Variants in EXT2 observed in about 807,000 individuals in gnomAD.
EXT2 encodes the protein exostosin glycosyltransferase 2, also known as exostosin-2.
EXT2 carries 53 observed loss-of-function variants against 81.6 expected under a neutral mutation model. The observed-to-expected ratio is 0.65, with a 90% CI of 0.52 to 0.82. The LOEUF is 0.82. Among genes scored for constraint, EXT2 ranks in the 40% least tolerant of loss-of-function variants. The pLI is 0.00. For synonymous variants in EXT2, 320 were observed against 340.0 expected (o/e 0.94, Z 0.65); for missense variants, 774 against 910.2 (o/e 0.85, Z 1.93).
At chr11:44,123,771 C>G (rs1434954257) in intron 4 of EXT2, among the ~76,000 whole-genome samples, 1 of 152,070 alleles carries the variant, frequency 6.6e-6, no homozygotes, top group African/African-American at 2.4e-5. Context: ...TGTTCTGTAC[C>G]CTCTCTGTCT....
intron 7 of EXT2, among the ~76,000 whole-genome samples, chr11:44,163,855 G>A (rs544515011): frequency 9.2e-5 from 14 of 152,128 alleles, no homozygotes; most frequent in Non-Finnish European, 1.9e-4. Context: ...CTTGGGTTTT[G>A]GGGTCTGTGT....
chr11:44,240,649 G>A (rs568389723), intron 13 of EXT2, among the ~76,000 whole-genome samples: 94 of 152,312 alleles, frequency 6.2e-4, no homozygotes, highest in African/African-American at 2.0e-3. Flanking sequence ...AGTAGAGTTA[G>A]TGAATGTAAA....
Position 44,232,335 on chromosome 11 carries a change from T to C in EXT2, c.1663-18T>C. The stretch of plus-strand genomic sequence containing the variant: ...TGTCTGAATTGGGACTTGATTGTTA[T>C]TATGTGTCTGTCCTTAGGTCTGGCG... On this transcript the variant is annotated intron_variant, in intron 10 of 13. Transcript: ENST00000533608. 6.2e-7 allele frequency: 1 copy of C among 1,613,536 alleles called. No individual in the cohort carries two copies. The highest frequency in any genetic ancestry group is 1.1e-5 in the South Asian group (1 of 91,056).
At position 44,140,270 on chromosome 11, in the gene EXT2, C is replaced by G. The variant is rs572200475; in HGVS notation, c.1173+10132C>G. ...GCCAGCTCCAGCCTGCTGTCTCTGC[C>G]TCCGCAGCATCACTGTTATCGAATT... On this transcript the variant is annotated intron_variant, in intron 7 of 13. Coordinates refer to ENST00000533608, the MANE Select transcript of EXT2 (RefSeq NM_207122.2). 6.4e-4 allele frequency among the ~76,000 whole-genome samples: 98 copies of G among 152,320 alleles called. 1 individual carries two copies. The highest frequency in any genetic ancestry group is 1.9e-3 in the African/African-American group (78 of 41,560).
At chr11:44,177,111 A>G (rs1005892642) in intron 8 of EXT2, among the ~76,000 whole-genome samples, 1 of 152,180 alleles carries the variant, frequency 6.6e-6, no homozygotes, top group African/African-American at 2.4e-5. Context: ...AAATAATGTT[A>G]AAGTAATACA....
intron 8 of EXT2, among the ~76,000 whole-genome samples, chr11:44,173,078 G>A (rs535682414): frequency 3.3e-5 from 5 of 152,252 alleles, no homozygotes; most frequent in South Asian, 4.1e-4. Context: ...GAAGCTCTCC[G>A]CTGATTTGGG....
chr11:44,177,394 C>T (rs1344508327), intron 8 of EXT2, among the ~76,000 whole-genome samples: 1 of 152,164 alleles, frequency 6.6e-6, no homozygotes, highest in African/African-American at 2.4e-5. Context: ...CTGGTCTTGC[C>T]TCTTGGCAGA....
intron 8 of EXT2, among the ~76,000 whole-genome samples, chr11:44,187,966 C>T (rs906485853): frequency 1.3e-5 from 2 of 152,100 alleles, no homozygotes; most frequent in African/African-American, 2.4e-5. Context: ...CAAATTTGGC[C>T]CCCAAGTTAA....
intron 8 of EXT2, among the ~76,000 whole-genome samples, chr11:44,185,871 G>A (rs1955303554): frequency 6.6e-6 from 1 of 152,186 alleles, no homozygotes. Flanking sequence ...GCCCAGATCA[G>A]AGAATGAGCT....
chr11:44,214,515 C>G (rs922015246), intron 10 of EXT2, among the ~76,000 whole-genome samples: 1 of 152,156 alleles, frequency 6.6e-6, no homozygotes, highest in African/African-American at 2.4e-5. Flanking sequence ...TAATACAATT[C>G]AGATTTCCTT....
chr11:44,133,607 T>C (rs1954524860), intron 7 of EXT2, among the ~76,000 whole-genome samples: 1 of 152,210 alleles, frequency 6.6e-6, no homozygotes, highest in South Asian at 2.1e-4. Flanking sequence ...AAATCCTAAA[T>C]GCCATGAGCC....
chr11:44,170,805 C>T (rs1189261628), intron 7 of EXT2, among the ~76,000 whole-genome samples: 3 of 108,468 alleles, frequency 2.8e-5, no homozygotes, highest in African/African-American at 1.1e-4. Flanking sequence ...TTAAAACGTT[C>T]ACATTCACAC....
chr11:44,145,644 A>G (rs1954706719), intron 7 of EXT2, among the ~76,000 whole-genome samples: 1 of 152,166 alleles, frequency 6.6e-6, no homozygotes, highest in Non-Finnish European at 1.5e-5. Flanking sequence ...TATTTTTATA[A>G]AGGAGGAAAA....
At chr11:44,106,804 A>G (rs2134962774) in intron 1 of EXT2, among the ~76,000 whole-genome samples, 1 of 152,200 alleles carries the variant, frequency 6.6e-6, no homozygotes, top group Non-Finnish European at 1.5e-5. Context: ...TAATTTTTGT[A>G]TTTTTAGTAG....
At chr11:44,107,158 T>G (rs1209427933) in intron 1 of EXT2, among the ~76,000 whole-genome samples, 1 of 151,550 alleles carries the variant, frequency 6.6e-6, no homozygotes, top group Non-Finnish European at 1.5e-5. Flanking sequence ...ATATTTATGT[T>G]AAATATATGC....
chr11:44,239,161 A>T (rs1234439490), intron 13 of EXT2, among the ~76,000 whole-genome samples: 2 of 151,890 alleles, frequency 1.3e-5, no homozygotes, highest in African/African-American at 2.4e-5. Context: ...AACTGAAGAG[A>T]TGTGGGGAGG....
Position 44,200,151 on chromosome 11 carries a change from TAA to T in EXT2, c.1495+2146_1495+2147del, listed in dbSNP as rs965705996. On this transcript the variant is annotated intron_variant, in intron 9 of 13. Transcript: ENST00000533608. The stretch of plus-strand genomic sequence containing the variant: ...TACAGCATTAGTAACATATATATTA[TAA>T]AAAAAAAAAAAAGCAAGTCCAAGTC... Among the ~76,000 whole-genome samples, 21 of 131,870 alleles carry T rather than the reference TAA, an allele frequency of 1.6e-4. No homozygotes were observed. In the East Asian group the frequency reaches 3.0e-3, roughly 19 times the overall value. The allele number at this position is 131,870 out of a possible 152,430, so 86.5% of individuals were successfully genotyped here.
intron 1 of EXT2, among the ~76,000 whole-genome samples, chr11:44,100,657 C>T (rs1590538997): frequency 6.6e-6 from 1 of 152,322 alleles, no homozygotes; most frequent in African/African-American, 2.4e-5. Flanking sequence ...ATGGCCGCAT[C>T]TCCTGCAGCT....
intron 1 of EXT2, chr11:44,096,119 TCTC>T (rs1005665541): frequency 1.2e-6 from 1 of 830,884 alleles, no homozygotes; most frequent in Non-Finnish European, 2.0e-6. Flanking sequence ...ACCCACCTGT[TCTC>T]CTAGCCAACC....
Sources: allele counts gnomAD v4.1 joint callset (sites outside exome capture counted in the v4.1 genomes callset), GRCh38; gene constraint gnomAD v4.1.1; transcripts MANE v1.5; gene names NCBI Gene and HGNC (gene_info 2026-07-23, HGNC 2026-07-21).